Variants in FRMPD4 observed in about 807,000 individuals in gnomAD.
FRMPD4 encodes the protein FERM and PDZ domain-containing protein 4.
Under a neutral mutation model 94.1 loss-of-function variants are expected in FRMPD4, and 22 were observed. That is an observed-to-expected ratio of 0.23 (90% CI 0.17 to 0.33). The LOEUF is 0.33. Among genes scored for constraint, FRMPD4 ranks in the 10% least tolerant of loss-of-function variants. FRMPD4 has a pLI of 1.00. For missense variants in FRMPD4, 1,111 were observed against 1,339.9 expected, an observed-to-expected ratio of 0.83 and a Z score of 2.67; for synonymous variants, 631 against 548.6, an observed-to-expected ratio of 1.15 and a Z score of -2.10.
intron 3 of FRMPD4, among the ~76,000 whole-genome samples, chrX:12,128,765 C>T (rs1284798072): frequency 3.6e-5 from 4 of 112,262 alleles, no homozygotes; most frequent in Non-Finnish European, 7.5e-5. Flanking sequence ...GCACCCAAGT[C>T]ACCTCTTGAA....
intron 1 of FRMPD4, among the ~76,000 whole-genome samples, chrX:12,260,219 A>C (rs2054171265): frequency 1.8e-5 from 2 of 110,986 alleles, no homozygotes; most frequent in Admixed American, 9.6e-5. Flanking sequence ...TCCAAAATTT[A>C]AGTCTCCATA....
chrX:12,510,072 C>G (rs1264794534), intron 2 of FRMPD4, among the ~76,000 whole-genome samples: 2 of 111,819 alleles, frequency 1.8e-5, no homozygotes, highest in Non-Finnish European at 3.8e-5. Context: ...GACTAGAAAT[C>G]TGTATCATCT....
chrX:11,823,349 C>T (rs139304277), intron 1 of FRMPD4, among the ~76,000 whole-genome samples: 2,012 of 108,611 alleles, frequency 0.019, 41 homozygotes, highest in African/African-American at 0.062. Context: ...TTGTTGAGTT[C>T]CTACTATATT....
intron 1 of FRMPD4, among the ~76,000 whole-genome samples, chrX:12,430,663 C>T (rs1486195820): frequency 9.0e-6 from 1 of 111,715 alleles, no homozygotes; most frequent in African/African-American, 3.3e-5. Context: ...ACATTGATGG[C>T]CCTCAATGAC....
intron 2 of FRMPD4, among the ~76,000 whole-genome samples, chrX:12,528,769 C>T (rs377012864): frequency 8.9e-6 from 1 of 112,214 alleles, no homozygotes; most frequent in East Asian, 2.8e-4. Flanking sequence ...TTTGAATCAT[C>T]TTGACCGTTG....
chrX:11,866,854 A>C (rs990730730), intron 2 of FRMPD4, among the ~76,000 whole-genome samples: 2 of 110,985 alleles, frequency 1.8e-5, no homozygotes, highest in Non-Finnish European at 3.8e-5. Context: ...CCAATTTTTA[A>C]GTGGGGAAAT....
intron 4 of FRMPD4, among the ~76,000 whole-genome samples, chrX:12,623,208 AAGGAAGGAAGG>A (rs1569370639): frequency 1.4e-3 from 13 of 9,116 alleles, no homozygotes; most frequent in African/African-American, 3.0e-3. Flanking sequence ...GAAAGAAAGG[AAGGAAGGAAGG>A]AAGGAAGGAA....
At chrX:12,372,364 CA>C (rs761184965) in intron 1 of FRMPD4, among the ~76,000 whole-genome samples, 1 of 113,094 alleles carries the variant, frequency 8.8e-6, no homozygotes, top group East Asian at 2.8e-4. Context: ...GGTCACATTC[CA>C]GACCAGTTAC....
chrX:12,565,810 T>A (rs2058706125), intron 2 of FRMPD4, among the ~76,000 whole-genome samples: 1 of 111,884 alleles, frequency 8.9e-6, no homozygotes, highest in Admixed American at 9.5e-5. Flanking sequence ...ACATAAGACA[T>A]TAACAATGGG....
intron 2 of FRMPD4, among the ~76,000 whole-genome samples, chrX:12,540,598 T>C (rs1417371770): frequency 2.7e-5 from 3 of 111,717 alleles, no homozygotes; most frequent in Non-Finnish European, 3.8e-5. Flanking sequence ...AGCAAGTCTT[T>C]AGAGACCTAC....
chrX:12,512,210 G>A (rs935830374), intron 2 of FRMPD4, among the ~76,000 whole-genome samples: 1 of 112,683 alleles, frequency 8.9e-6, no homozygotes, highest in Admixed American at 9.4e-5. Flanking sequence ...ATAGACTATA[G>A]TATGGTATGA....
chrX:12,130,153 G>A (rs1399061379), intron 3 of FRMPD4, among the ~76,000 whole-genome samples: 5 of 109,628 alleles, frequency 4.6e-5, no homozygotes, highest in African/African-American at 1.7e-4. Flanking sequence ...GGCGTAAGGG[G>A]GTGGGGACAG....
chrX:12,418,699 A>G (rs763909584), intron 1 of FRMPD4, among the ~76,000 whole-genome samples: 1 of 111,228 alleles, frequency 9.0e-6, no homozygotes, highest in South Asian at 3.9e-4. Context: ...ATTTGTTTCT[A>G]TGTGACAAGG....
chrX:12,494,924 T>G, intron 1 of FRMPD4: 6 of 292,143 alleles, frequency 2.1e-5, no homozygotes, highest in South Asian at 1.7e-4. Context: ...TTTTTAAGGC[T>G]GAGCTAAGCG....
intron 1 of FRMPD4, among the ~76,000 whole-genome samples, chrX:11,831,096 T>C (rs1399945631): frequency 9.1e-6 from 1 of 109,697 alleles, no homozygotes; most frequent in Non-Finnish European, 1.9e-5. Flanking sequence ...AACTACTAGA[T>C]GATCAAAAAC....
At chrX:12,704,777 A>G (rs1182596908) in intron 11 of FRMPD4, among the ~76,000 whole-genome samples, 1 of 112,530 alleles carries the variant, frequency 8.9e-6, no homozygotes, top group Admixed American at 9.4e-5. Flanking sequence ...CCTTGTGGAT[A>G]GAAGATAGAA....
chrX:12,044,319 T>C (rs1601901281), intron 3 of FRMPD4, among the ~76,000 whole-genome samples: 1 of 112,497 alleles, frequency 8.9e-6, no homozygotes, highest in East Asian at 2.8e-4. Flanking sequence ...TCATCCTGTG[T>C]CCTGGAAATA....
At chrX:12,594,670 C>T (rs997466284) in intron 2 of FRMPD4, among the ~76,000 whole-genome samples, 1 of 110,892 alleles carries the variant, frequency 9.0e-6, no homozygotes, top group Admixed American at 9.6e-5. Context: ...CTCCTGACCT[C>T]GTGATCTGCC....
intron 1 of FRMPD4, among the ~76,000 whole-genome samples, chrX:12,204,315 T>C (rs748768945): frequency 8.9e-6 from 1 of 112,585 alleles, no homozygotes; most frequent in Admixed American, 9.4e-5. Flanking sequence ...TCTTTTGCTA[T>C]ATGTGGTTGG....
Sources: allele counts gnomAD v4.1 joint callset (sites outside exome capture counted in the v4.1 genomes callset), GRCh38; gene constraint gnomAD v4.1.1; transcripts MANE v1.5; gene names NCBI Gene and HGNC (gene_info 2026-07-23, HGNC 2026-07-21).